Variants in SSH2 observed in about 807,000 individuals in gnomAD.
SSH2 encodes the protein protein phosphatase Slingshot homolog 2.
In SSH2, 37 loss-of-function variants were observed where a neutral mutation model predicts 135.2. The observed-to-expected ratio is 0.27, with a 90% CI of 0.21 to 0.36. The LOEUF is 0.36. Ranked by LOEUF, SSH2 falls within the 10% of genes least tolerant of loss-of-function variation. SSH2 has a pLI of 1.00. For synonymous variants in SSH2, 628 were observed against 646.2 expected, an observed-to-expected ratio of 0.97 and a Z score of 0.43; for missense variants, 1,408 against 1,765.3, an observed-to-expected ratio of 0.80 and a Z score of 3.63.
chr17:29,845,316 C>G (rs540383622), intron 2 of SSH2, among the ~76,000 whole-genome samples: 10 of 152,280 alleles, frequency 6.6e-5, no homozygotes, highest in Admixed American at 3.3e-4. Context: ...CACCCCACCC[C>G]CAAGGTTAAG....
chr17:29,926,870 T>A (rs2067076897), intron 1 of SSH2, among the ~76,000 whole-genome samples: 3 of 152,194 alleles, frequency 2.0e-5, no homozygotes, highest in Admixed American at 1.3e-4. Flanking sequence ...ATTCAATCCA[T>A]CCTTCAAGAA....
chr17:29,649,367 T>C (rs560570260), intron 13 of SSH2, among the ~76,000 whole-genome samples: 2 of 152,152 alleles, frequency 1.3e-5, no homozygotes, highest in East Asian at 3.9e-4. Context: ...AACTAGACTA[T>C]TCCAGTACCC....
intron 14 of SSH2, among the ~76,000 whole-genome samples, chr17:29,641,278 T>C (rs2036149233): frequency 6.6e-6 from 1 of 152,250 alleles, no homozygotes; most frequent in Non-Finnish European, 1.5e-5. Context: ...AGACAGTTTA[T>C]TCTAACACTT....
chr17:29,797,116 A>G (rs529102238), intron 2 of SSH2, among the ~76,000 whole-genome samples: 49 of 142,392 alleles, frequency 3.4e-4, no homozygotes, highest in African/African-American at 1.2e-3. Flanking sequence ...GAGCCACCAC[A>G]CCTGGCCAGT....
intron 1 of SSH2, among the ~76,000 whole-genome samples, chr17:29,857,745 C>T (rs940454735): frequency 1.3e-5 from 2 of 152,216 alleles, no homozygotes; most frequent in Non-Finnish European, 2.9e-5. Flanking sequence ...CTTGGCCTCC[C>T]AAAGTGTTGG....
intron 2 of SSH2, among the ~76,000 whole-genome samples, chr17:29,843,512 G>A (rs1208818937): frequency 6.6e-6 from 1 of 151,274 alleles, no homozygotes; most frequent in African/African-American, 2.4e-5. Context: ...AACTGAGATC[G>A]TGCCACTGCA....
intron 9 of SSH2, 139 bp downstream of exon 9, chr17:29,671,796 G>C (rs2037504561): frequency 5.7e-6 from 4 of 702,876 alleles, no homozygotes; most frequent in Non-Finnish European, 9.4e-6. Context: ...ATATGTGGCA[G>C]ACACGTGCTA....
At chr17:29,782,609 G>A (rs148604270) in intron 3 of SSH2, among the ~76,000 whole-genome samples, 1,574 of 151,310 alleles carry the variant, frequency 0.01, 19 homozygotes, top group African/African-American at 0.033. Context: ...TTTCTGAGAC[G>A]GAGTCTCATT....
At chr17:29,746,430 C>G (rs2040762900) in intron 3 of SSH2, among the ~76,000 whole-genome samples, 1 of 150,796 alleles carries the variant, frequency 6.6e-6, no homozygotes, top group Non-Finnish European at 1.5e-5. Flanking sequence ...CGCCTGTAAT[C>G]CCAGCTACTA....
Position 29,666,984 on chromosome 17 carries a change from C to T in SSH2, c.915G>A (p.Glu305=). 1.2e-6 allele frequency: 2 copies of T among 1,614,114 alleles called. No individual in the cohort carries two copies. Among genetic ancestry groups the T allele is most frequent in the Non-Finnish European group, 1.7e-6 (2 of 1,180,020 alleles). ...AGTTGCACACCATTTGCATTTCCAA[C>T]TCTGTTCTTATCTGAAACAAAGATG... ...ENITSKEIRT[E]LEMQMVCNLR... is the part of the protein sequence containing the mutation. Residue 305 remains glutamate (E), a synonymous_variant, in exon 11 of 16, where the codon GAG becomes GAA. Transcript: ENST00000540801.
chr17:29,650,538 C>T, intron 13 of SSH2, 116 bp downstream of exon 13: 1 of 1,002,552 alleles, frequency 1.0e-6, no homozygotes, highest in South Asian at 2.2e-5. Flanking sequence ...TCCTCCTTTC[C>T]TTAGTTCCTT....
intron 3 of SSH2, among the ~76,000 whole-genome samples, chr17:29,767,556 C>T (rs1171760387): frequency 6.6e-6 from 1 of 151,580 alleles, no homozygotes; most frequent in Admixed American, 6.6e-5. Flanking sequence ...TTAATATTTC[C>T]AGAAATTTTG....
intron 11 of SSH2, among the ~76,000 whole-genome samples, chr17:29,665,652 G>T (rs987365536): frequency 6.6e-6 from 1 of 152,130 alleles, no homozygotes; most frequent in African/African-American, 2.4e-5. Context: ...AAAGTGTGTG[G>T]GAAGTGGACA....
At chr17:29,908,783 A>AAG (rs2066706652) in intron 1 of SSH2, among the ~76,000 whole-genome samples, 1 of 127,982 alleles carries the variant, frequency 7.8e-6, no homozygotes, top group Non-Finnish European at 1.7e-5. Flanking sequence ...AAAAAAAAAA[A>AAG]AAAAAAAAAA....
chr17:29,837,982 C>CGG (rs1477791682), intron 2 of SSH2, among the ~76,000 whole-genome samples: 1 of 152,200 alleles, frequency 6.6e-6, no homozygotes, highest in African/African-American at 2.4e-5. Flanking sequence ...CTGGAGCAGG[C>CGG]GGGAGCCCTG....
At chr17:29,919,122 C>A (rs1056475777) in intron 1 of SSH2, among the ~76,000 whole-genome samples, 3 of 152,154 alleles carry the variant, frequency 2.0e-5, no homozygotes, top group Non-Finnish European at 4.4e-5. Context: ...TAATATCAAT[C>A]TTTCTACTTC....
chr17:29,799,829 C>T (rs902407467), intron 2 of SSH2, among the ~76,000 whole-genome samples: 3 of 152,080 alleles, frequency 2.0e-5, no homozygotes, highest in African/African-American at 7.2e-5. Context: ...GGTACCACAC[C>T]CTATGGGACT....
intron 3 of SSH2, among the ~76,000 whole-genome samples, chr17:29,705,750 G>A (rs1806979443): frequency 6.6e-6 from 1 of 152,076 alleles, no homozygotes; most frequent in South Asian, 2.1e-4. Context: ...CGATGTTTGA[G>A]GGACTTTGTG....
chr17:29,733,034 C>G (rs1253473009), intron 3 of SSH2, among the ~76,000 whole-genome samples: 1 of 152,128 alleles, frequency 6.6e-6, no homozygotes, highest in East Asian at 1.9e-4. Flanking sequence ...GGAAAAAAAA[C>G]AGGTTTTCAA....
Sources: gnomAD v4.1 joint callset for allele counts (sites outside exome capture counted in the v4.1 genomes callset) on GRCh38, gnomAD v4.1.1 for gene constraint, MANE v1.5 for transcripts, NCBI Gene and HGNC (gene_info 2026-07-23, HGNC 2026-07-21) for gene names.